Variants in CHRNA7 observed in about 807,000 individuals in gnomAD.
The protein encoded by CHRNA7 is cholinergic receptor nicotinic alpha 7 subunit, also known as neuronal acetylcholine receptor subunit alpha-7.
Under a neutral mutation model 48.0 loss-of-function variants are expected in CHRNA7, and 17 were observed. That is an observed-to-expected ratio of 0.35 (90% CI 0.24 to 0.53). CHRNA7 has a LOEUF of 0.53. Among genes scored for constraint, CHRNA7 ranks in the 20% least tolerant of loss-of-function variants. The pLI is 0.92. For synonymous variants in CHRNA7, 75 were observed against 242.3 expected (o/e 0.31, Z 6.41); for missense variants, 155 against 577.7 (o/e 0.27, Z 7.50).
intron 2 of CHRNA7, among the ~76,000 whole-genome samples, chr15:32,050,159 G>A (rs933022394): frequency 7.9e-5 from 12 of 152,216 alleles, no homozygotes; most frequent in Non-Finnish European, 1.5e-4. Flanking sequence ...TCTTTGTGGT[G>A]TTCTCTGTAT....
At chr15:32,053,016 T>TA (rs921011810) in intron 2 of CHRNA7, among the ~76,000 whole-genome samples, 1 of 152,088 alleles carries the variant, frequency 6.6e-6, no homozygotes, top group Non-Finnish European at 1.5e-5. Flanking sequence ...TAGATATAAA[T>TA]AAAAAAATCT....
intron 4 of CHRNA7, among the ~76,000 whole-genome samples, chr15:32,148,532 C>A (rs1053211336): frequency 6.6e-6 from 1 of 152,176 alleles, no homozygotes; most frequent in Non-Finnish European, 1.5e-5. Flanking sequence ...AGGAATGAGA[C>A]CAGGCACCAT....
intron 2 of CHRNA7, among the ~76,000 whole-genome samples, chr15:32,078,866 C>T (rs1156656613): frequency 6.6e-6 from 1 of 152,044 alleles, no homozygotes; most frequent in Non-Finnish European, 1.5e-5. Flanking sequence ...AACTTCAGGC[C>T]AATATCCCTG....
At chr15:32,142,140 A>G (rs1566869957) in intron 4 of CHRNA7, among the ~76,000 whole-genome samples, 1 of 152,138 alleles carries the variant, frequency 6.6e-6, no homozygotes, top group Non-Finnish European at 1.5e-5. Flanking sequence ...GGGCTGTTGA[A>G]TTTTGTCGAA....
intron 3 of CHRNA7, among the ~76,000 whole-genome samples, chr15:32,106,335 G>A (rs568780662): frequency 8.1e-4 from 123 of 152,234 alleles, no homozygotes; most frequent in Non-Finnish European, 1.5e-3. Flanking sequence ...TTTAAACTCT[G>A]CAAATGATAC....
chr15:32,049,395 A>G (rs2049621138), intron 2 of CHRNA7, among the ~76,000 whole-genome samples: 1 of 152,124 alleles, frequency 6.6e-6, no homozygotes, highest in Non-Finnish European at 1.5e-5. Flanking sequence ...CTTTACCATT[A>G]TGTAATGGCC....
intron 4 of CHRNA7, among the ~76,000 whole-genome samples, chr15:32,124,785 G>A (rs2051036010): frequency 6.6e-6 from 1 of 152,136 alleles, no homozygotes; most frequent in Admixed American, 6.5e-5. Context: ...GAGGGGATTG[G>A]GTCATAAAGG....
chr15:32,110,678 T>A (rs1432149473), intron 3 of CHRNA7, among the ~76,000 whole-genome samples: 7 of 152,236 alleles, frequency 4.6e-5, no homozygotes, highest in Non-Finnish European at 1.0e-4. Context: ...GCTCTGAAAA[T>A]TTTTCCCCCT....
chr15:32,091,697 A>G (rs1026344088), intron 2 of CHRNA7, among the ~76,000 whole-genome samples: 2 of 152,166 alleles, frequency 1.3e-5, no homozygotes, highest in African/African-American at 2.4e-5. Context: ...AATCTTTTCT[A>G]TAGTCCCACT....
rs151312765 is a variant in CHRNA7 at position 32,108,308 on chromosome 15, G to C, written c.241-3482G>C. Among the ~76,000 whole-genome samples the C allele has an allele frequency of 2.6e-5, 4 of 152,206 alleles. No homozygotes were observed. In the East Asian group the frequency reaches 7.7e-4, roughly 29 times the overall value. ...CTTCTTTTGAAGATTTAATGAGAAG[G>C]AATCTCACAAAAGGAGGGAGAGAAG... is the stretch of plus-strand genomic sequence containing the variant. On this transcript the variant is annotated intron_variant, in intron 3 of 9. Coordinates refer to ENST00000306901, the MANE Select transcript of CHRNA7 (RefSeq NM_000746.6).
intron 2 of CHRNA7, among the ~76,000 whole-genome samples, chr15:32,052,358 CG>C (rs2049703923): frequency 6.6e-6 from 1 of 152,036 alleles, no homozygotes; most frequent in Non-Finnish European, 1.5e-5. Context: ...GTGGATCTCA[CG>C]GAAGTAGGGA....
intron 4 of CHRNA7, among the ~76,000 whole-genome samples, chr15:32,115,828 G>A (rs2050860686): frequency 6.6e-6 from 1 of 152,112 alleles, no homozygotes; most frequent in Admixed American, 6.5e-5. Context: ...AGGAGGAGGA[G>A]CGAAGAAGAT....
intron 2 of CHRNA7, among the ~76,000 whole-genome samples, chr15:32,049,025 G>GTCTGAAAGACAGTTTTTTATATTT (rs1457140245): frequency 9.8e-6 from 1 of 102,042 alleles, no homozygotes. Flanking sequence ...TTGCACTGTG[G>GTCTGAAAGACAGTTTTTTATATTT]TCTGTTCTTT....
At chr15:32,107,680 G>A (rs759826865) in intron 3 of CHRNA7, among the ~76,000 whole-genome samples, 23 of 152,208 alleles carry the variant, frequency 1.5e-4, no homozygotes, top group Middle Eastern at 3.4e-3. Flanking sequence ...AAGGGTGCGC[G>A]GAGCTGTTGT....
chr15:32,034,841 G>T (rs1902007993), intron 2 of CHRNA7, among the ~76,000 whole-genome samples: 2 of 152,270 alleles, frequency 1.3e-5, no homozygotes, highest in South Asian at 4.2e-4. Flanking sequence ...CTAGGCAGAG[G>T]GGGAAGATAT....
rs1011531798 is a variant in CHRNA7 at position 32,070,755 on chromosome 15, T to C, written c.196-30548T>C. The stretch of plus-strand genomic sequence containing the variant: ...AGGCTGGAGTGCAGTGGCACGATCT[T>C]GGCTCACTGCAAACTCTGCCTCGCG... On this transcript the variant is annotated intron_variant, in intron 2 of 9. Coordinates refer to ENST00000306901, the MANE Select transcript of CHRNA7 (RefSeq NM_000746.6). 2.2e-5 allele frequency among the ~76,000 whole-genome samples: 3 copies of C among 135,926 alleles called. No individual in the cohort carries two copies. In the Admixed American group the frequency reaches 2.5e-4, roughly 11 times the overall value. The allele number at this position is 135,926 out of a possible 152,430, so 89.2% of individuals were successfully genotyped here. A position where few individuals can be genotyped will look rare whatever the true frequency, so the allele number is the denominator to read the frequency against.
chr15:32,041,240 C>G (rs1197722101), intron 2 of CHRNA7, among the ~76,000 whole-genome samples: 1 of 152,110 alleles, frequency 6.6e-6, no homozygotes, highest in Non-Finnish European at 1.5e-5. Flanking sequence ...GTTTCAAATA[C>G]TTCTGTTCCT....
intron 2 of CHRNA7, among the ~76,000 whole-genome samples, chr15:32,086,854 T>C (rs2050305676): frequency 1.3e-5 from 2 of 152,216 alleles, no homozygotes; most frequent in Non-Finnish European, 2.9e-5. Flanking sequence ...CAGAGTATTA[T>C]ATGTTATCAT....
intron 4 of CHRNA7, among the ~76,000 whole-genome samples, chr15:32,138,850 T>G (rs922047802): frequency 3.3e-5 from 5 of 151,814 alleles, no homozygotes; most frequent in Admixed American, 6.6e-5. Flanking sequence ...ACGTCCCGGG[T>G]TCAAGCGATT....
Sources: gnomAD v4.1 joint callset for allele counts (sites outside exome capture counted in the v4.1 genomes callset) on GRCh38, gnomAD v4.1.1 for gene constraint, MANE v1.5 for transcripts, NCBI Gene and HGNC (gene_info 2026-07-23, HGNC 2026-07-21) for gene names.